The following FRAS1 variants were observed in gnomAD, a reference collection of about 807,000 sequenced individuals.
The protein encoded by FRAS1 is Fraser extracellular matrix complex subunit 1.
In FRAS1, 290 loss-of-function variants were observed where a neutral mutation model predicts 435.2. The observed-to-expected ratio is 0.67, with a 90% CI of 0.61 to 0.73. The LOEUF (loss-of-function observed/expected upper bound fraction) is 0.73. FRAS1 is among the 30% of genes least tolerant of loss of function. FRAS1 has a pLI of 0.00. For missense variants in FRAS1, 4,860 were observed against 5,001.5 expected (o/e 0.97, Z 0.85); for synonymous variants, 1,800 against 1,851.0 (o/e 0.97, Z 0.71).
chr4:78,363,816 C>T (rs1216188814), intron 21 of FRAS1, 92 bp from the exon 22 acceptor site: 2 of 1,465,722 alleles, frequency 1.4e-6, no homozygotes, highest in African/African-American at 1.4e-5. Flanking sequence ...CCAATGTTCT[C>T]AGTGTTGGGA....
chr4:78,377,907 CTTATTA>C (rs1426153053), intron 26 of FRAS1, among the ~76,000 whole-genome samples: 2 of 151,344 alleles, frequency 1.3e-5, no homozygotes, highest in East Asian at 3.8e-4. Context: ...CTATATGATT[CTTATTA>C]TTATTGAGAT....
chr4:78,516,041 C>T (rs774040714), intron 66 of FRAS1, 28 bp downstream of exon 66: 2 of 1,560,470 alleles, frequency 1.3e-6, no homozygotes, highest in East Asian at 2.3e-5. Context: ...TGTCTGAGGA[C>T]TCTGCATATG....
rs376782001 is a variant in FRAS1, at chr4:78,445,707, A to T, written c.5851A>T (p.Ile1951Phe). 42 of 1,613,802 alleles carry T rather than the reference A, an allele frequency of 2.6e-5. No homozygotes were observed. Among genetic ancestry groups the T allele is most frequent in the Non-Finnish European group, 3.5e-5 (41 of 1,179,838 alleles). ...AGAAATTCACAGCATCAATATCACC[A>T]TTGAGGTAAAGACTTTGGAAGTTGG... ...RSEIHSINIT[I>F]ERKNDEPPRM... The change falls in exon 42 of 74, where the codon ATT (isoleucine) becomes TTT (phenylalanine). Residue 1951 changes from isoleucine to phenylalanine, a missense_variant. Transcript: ENST00000512123.
intron 14 of FRAS1, among the ~76,000 whole-genome samples, chr4:78,289,745 C>T (rs765067051): frequency 2.0e-5 from 3 of 152,154 alleles, no homozygotes; most frequent in African/African-American, 4.8e-5. Context: ...CACCCATTTC[C>T]AGGAATTAAT....
intron 58 of FRAS1, among the ~76,000 whole-genome samples, chr4:78,484,974 A>G (rs1172966604): frequency 1.3e-5 from 2 of 152,252 alleles, no homozygotes; most frequent in African/African-American, 4.8e-5. Context: ...ATTCAGCTAT[A>G]CGTTTTATTC....
At chr4:78,514,425 C>T (rs1560421160) in intron 65 of FRAS1, among the ~76,000 whole-genome samples, 1 of 152,242 alleles carries the variant, frequency 6.6e-6, no homozygotes, top group African/African-American at 2.4e-5. Context: ...AAACACTTAA[C>T]AGTGTTTTTG....
intron 2 of FRAS1, among the ~76,000 whole-genome samples, chr4:78,179,350 C>T (rs951688896): frequency 1.3e-5 from 2 of 152,178 alleles, no homozygotes; most frequent in Admixed American, 6.5e-5. Flanking sequence ...GTGGTGGCCT[C>T]TTCTTTTTAA....
intron 2 of FRAS1, among the ~76,000 whole-genome samples, chr4:78,102,892 T>A (rs1409266582): frequency 6.6e-6 from 1 of 152,194 alleles, no homozygotes; most frequent in Non-Finnish European, 1.5e-5. Context: ...ATTTGTATCT[T>A]ATAGATAACA....
At chr4:78,128,701 G>C (rs1719515433) in intron 2 of FRAS1, among the ~76,000 whole-genome samples, 1 of 152,146 alleles carries the variant, frequency 6.6e-6, no homozygotes, top group Admixed American at 6.5e-5. Flanking sequence ...CCCTTCTGTA[G>C]GTTGCCTGTT....
chr4:78,478,287 T>C (rs1668137202), intron 55 of FRAS1, among the ~76,000 whole-genome samples: 1 of 152,206 alleles, frequency 6.6e-6, no homozygotes, highest in South Asian at 2.1e-4. Context: ...TCCCATTTAC[T>C]CTTAAATTGG....
At chr4:78,316,360 A>G (rs1308129617) in intron 16 of FRAS1, among the ~76,000 whole-genome samples, 2 of 152,144 alleles carry the variant, frequency 1.3e-5, no homozygotes, top group East Asian at 3.8e-4. Flanking sequence ...CCTCTCTGAA[A>G]CATATGCCCA....
chr4:78,407,726 C>T lies in FRAS1; in HGVS notation c.4193C>T (p.Pro1398Leu), dbSNP rs752486380. 9 of 1,613,730 alleles carry T rather than the reference C, an allele frequency of 5.6e-6. No homozygotes were observed. ...CCTGCAGATGAAGGGCAGCACCTGC[C>T]TGATGGGAGGACAGCTACCCCCACC... Reference protein sequence around the residue: ...DSPADEGQHLPDGRTATPTST... With the variant: ...DSPADEGQHLLDGRTATPTST... Residue 1398 changes from proline to leucine, a missense_variant, in exon 31 of 74, where the codon CCT (proline) becomes CTT (leucine). Transcript: ENST00000512123.
chr4:78,453,654 G>T (rs185472653), intron 47 of FRAS1, among the ~76,000 whole-genome samples: 2 of 152,118 alleles, frequency 1.3e-5, no homozygotes, highest in East Asian at 3.9e-4. Context: ...CTTTTTAAAG[G>T]CCAGATGTGG....
intron 2 of FRAS1, among the ~76,000 whole-genome samples, chr4:78,130,764 C>T (rs1719644128): frequency 2.0e-5 from 3 of 152,090 alleles, no homozygotes; most frequent in Admixed American, 2.0e-4. Flanking sequence ...AGTCATGGAA[C>T]TAAGAGTTGA....
chr4:78,140,075 A>G (rs1720094285), intron 2 of FRAS1, among the ~76,000 whole-genome samples: 1 of 152,202 alleles, frequency 6.6e-6, no homozygotes, highest in Non-Finnish European at 1.5e-5. Context: ...ATGAACCCCC[A>G]TGAATTATCA....
intron 6 of FRAS1, among the ~76,000 whole-genome samples, chr4:78,261,783 T>C (rs1014367191): frequency 6.6e-6 from 1 of 152,192 alleles, no homozygotes; most frequent in East Asian, 1.9e-4. Flanking sequence ...AACACTCAGG[T>C]TTAAGTGTTT....
At chr4:78,530,053 G>A (rs1307106374) in intron 70 of FRAS1, among the ~76,000 whole-genome samples, 2 of 152,018 alleles carry the variant, frequency 1.3e-5, no homozygotes, top group East Asian at 1.9e-4. Context: ...TCATGTAGCT[G>A]TAGTTTGTTG....
intron 61 of FRAS1, among the ~76,000 whole-genome samples, chr4:78,504,071 G>A (rs996425608): frequency 6.6e-6 from 1 of 152,188 alleles, no homozygotes; most frequent in Non-Finnish European, 1.5e-5. Context: ...TTACACTGTG[G>A]TCTGAGAGAC....
chr4:78,494,573 G>A (rs998177039), intron 59 of FRAS1, among the ~76,000 whole-genome samples: 1 of 152,166 alleles, frequency 6.6e-6, no homozygotes, highest in African/African-American at 2.4e-5. Flanking sequence ...TGTGAGAATG[G>A]CACCAAGCCA....
Sources: allele counts gnomAD v4.1 joint callset (sites outside exome capture counted in the v4.1 genomes callset), GRCh38; gene constraint gnomAD v4.1.1; transcripts MANE v1.5; gene names NCBI Gene and HGNC (gene_info 2026-07-23, HGNC 2026-07-21).